The following UBE2L3 variants were observed in gnomAD, a reference collection of about 807,000 sequenced individuals.
The protein encoded by UBE2L3 is ubiquitin-conjugating enzyme E2 L3.
In UBE2L3, 1 loss-of-function variant was observed where a neutral mutation model predicts 17.8. That is an observed-to-expected ratio of 0.06 (90% CI 0.02 to 0.27). The LOEUF (loss-of-function observed/expected upper bound fraction) is 0.27, where lower values mean the gene tolerates loss of function less well. Among genes scored for constraint, UBE2L3 ranks in the 10% least tolerant of loss-of-function variants. UBE2L3 has a pLI of 1.00. For synonymous variants in UBE2L3, 44 were observed against 68.5 expected (o/e 0.64, Z 1.76); for missense variants, 40 against 192.6 (o/e 0.21, Z 4.69).
rs9607050 is a variant in UBE2L3, at chr22:21,583,320, G to A, written c.28-9541G>A. Among the ~76,000 whole-genome samples the A allele has an allele frequency of 6.9e-3, 1,045 of 152,264 alleles. 8 individuals carry two copies. The highest frequency in any genetic ancestry group is 9.0e-3 in the Non-Finnish European group (612 of 68,014). On this transcript the variant is annotated intron_variant, in intron 1 of 3. Coordinates refer to ENST00000342192, the MANE Select transcript of UBE2L3 (RefSeq NM_003347.4). ...CCTCACTGTGACCTAAAGGTTCCTA[G>A]AGCAGCGTTTCTCAGTTCTTTTAAC...
chr22:21,608,612 A>G (rs1261568453), intron 2 of UBE2L3, among the ~76,000 whole-genome samples: 1 of 152,002 alleles, frequency 6.6e-6, no homozygotes, highest in Admixed American at 6.6e-5. Context: ...TTTAGTAGAG[A>G]CAGGGTTTTA....
At chr22:21,582,820 G>A (rs181749207) in intron 1 of UBE2L3, among the ~76,000 whole-genome samples, 90 of 152,192 alleles carry the variant, frequency 5.9e-4, no homozygotes, top group Non-Finnish European at 1.2e-3. Context: ...CACCGTGCCC[G>A]GCCCTCAATA....
At chr22:21,577,390 C>G (rs1439965326) in intron 1 of UBE2L3, among the ~76,000 whole-genome samples, 1 of 152,244 alleles carries the variant, frequency 6.6e-6, no homozygotes, top group Non-Finnish European at 1.5e-5. Flanking sequence ...CAGGCGTGAG[C>G]TACCGCACCC....
At chr22:21,619,655 T>C (rs1929955162) in intron 3 of UBE2L3, among the ~76,000 whole-genome samples, 1 of 152,256 alleles carries the variant, frequency 6.6e-6, no homozygotes. Flanking sequence ...TGAATGATTA[T>C]GCCTTTGCAT....
At chr22:21,558,485 G>C (rs560742845) in intron 1 of UBE2L3, among the ~76,000 whole-genome samples, 1 of 152,298 alleles carries the variant, frequency 6.6e-6, no homozygotes, top group South Asian at 2.1e-4. Flanking sequence ...ACAAAAAATA[G>C]CCAGGTGTGG....
At chr22:21,553,074 A>G in intron 1 of UBE2L3, among the ~76,000 whole-genome samples, 1 of 5,232 alleles carries the variant, frequency 1.9e-4, no homozygotes, top group Non-Finnish European at 5.1e-4. Flanking sequence ...TATTTTTGAG[A>G]CAGAGTTTTG....
At chr22:21,590,528 G>T (rs1158356889) in intron 1 of UBE2L3, among the ~76,000 whole-genome samples, 1 of 152,202 alleles carries the variant, frequency 6.6e-6, no homozygotes, top group Non-Finnish European at 1.5e-5. Flanking sequence ...TTGGAGTGTG[G>T]ATTTCTGAAA....
chr22:21,567,824 G>A (rs531910590), intron 1 of UBE2L3, 53 bp downstream of exon 1: 2 of 1,560,784 alleles, frequency 1.3e-6, no homozygotes, highest in South Asian at 1.2e-5. Context: ...CCTAGGCTCC[G>A]GATCCCCGAG....
In UBE2L3 at chr22:21,621,688, C is replaced by G. The variant is rs779996955; in HGVS notation, c.*19C>G. On this transcript the variant is annotated 3_prime_UTR_variant, in exon 4 of 4. Coordinates refer to ENST00000342192, the MANE Select transcript of UBE2L3 (RefSeq NM_003347.4). ...GGACTAAAATCTGCCACGATTGGTT[C>G]CAGCAAGTGTGAGCAGAGACCCCGT... The G allele has an allele frequency of 6.3e-7, 1 of 1,586,792 alleles. No homozygotes were observed. The highest frequency in any genetic ancestry group is 1.4e-5 in the African/African-American group (1 of 74,024).
chr22:21,598,541 C>CTT (rs60333124), intron 2 of UBE2L3, among the ~76,000 whole-genome samples: 8 of 129,074 alleles, frequency 6.2e-5, no homozygotes, highest in Admixed American at 5.5e-4. Context: ...TTTCCCTTTC[C>CTT]TTTTTTTTTT....
chr22:21,583,805 T>A (rs1373343746), intron 1 of UBE2L3, among the ~76,000 whole-genome samples: 1 of 152,212 alleles, frequency 6.6e-6, no homozygotes, highest in African/African-American at 2.4e-5. Context: ...AGTGAACACT[T>A]ACTGGCCCCA....
intron 1 of UBE2L3, among the ~76,000 whole-genome samples, chr22:21,574,938 C>G (rs1927179749): frequency 1.3e-5 from 2 of 150,454 alleles, no homozygotes; most frequent in Non-Finnish European, 2.9e-5. Flanking sequence ...GCACTCCAGC[C>G]TGGGTGACAG....
chr22:21,559,444 G>A (rs1489252451), intron 1 of UBE2L3, among the ~76,000 whole-genome samples: 2 of 152,028 alleles, frequency 1.3e-5, no homozygotes, highest in Non-Finnish European at 2.9e-5. Flanking sequence ...GCTCAGTTTG[G>A]GGGAGAATGC....
intron 2 of UBE2L3, among the ~76,000 whole-genome samples, chr22:21,594,441 G>C (rs1329178359): frequency 1.3e-5 from 2 of 150,096 alleles, no homozygotes; most frequent in Non-Finnish European, 3.0e-5. Flanking sequence ...TCTTGATGCT[G>C]GTTATAAGGT....
chr22:21,573,759 T>G (rs1474029825), intron 1 of UBE2L3, among the ~76,000 whole-genome samples: 1 of 152,208 alleles, frequency 6.6e-6, no homozygotes, highest in African/African-American at 2.4e-5. Context: ...TACTCCCCAG[T>G]GCTGCTTGCG....
At chr22:21,599,050 C>T (rs2148429030) in intron 2 of UBE2L3, among the ~76,000 whole-genome samples, 1 of 152,264 alleles carries the variant, frequency 6.6e-6, no homozygotes, top group Non-Finnish European at 1.5e-5. Flanking sequence ...CCATGTTGGC[C>T]AGGCTGGTCT....
intron 1 of UBE2L3, chr22:21,568,365 A>T (rs1007769228): frequency 3.0e-6 from 3 of 985,348 alleles, no homozygotes; most frequent in Non-Finnish European, 3.6e-6. Context: ...GTGACTGCAG[A>T]GTCACACAGC....
At chr22:21,616,256 T>G (rs571483888) in intron 3 of UBE2L3, among the ~76,000 whole-genome samples, 2 of 152,206 alleles carry the variant, frequency 1.3e-5, no homozygotes, top group East Asian at 3.9e-4. Context: ...ATGCTCAGAC[T>G]AGGGTGGATC....
At chr22:21,578,202 A>C (rs552620159) in intron 1 of UBE2L3, among the ~76,000 whole-genome samples, 12 of 150,694 alleles carry the variant, frequency 8.0e-5, no homozygotes, top group African/African-American at 2.9e-4. Flanking sequence ...CTAAAAATAC[A>C]AAAAAAAATT....
Sources: gnomAD v4.1 joint callset for allele counts (sites outside exome capture counted in the v4.1 genomes callset) on GRCh38, gnomAD v4.1.1 for gene constraint, MANE v1.5 for transcripts, NCBI Gene and HGNC (gene_info 2026-07-23, HGNC 2026-07-21) for gene names.